The following XKR6 variants were observed in gnomAD, a reference collection of about 807,000 sequenced individuals.
The protein encoded by XKR6 is XK-related protein 6.
In XKR6, 22 loss-of-function variants were observed where a neutral mutation model predicts 56.7. The observed-to-expected ratio is 0.39, with a 90% confidence interval of 0.28 to 0.55. XKR6 has a LOEUF of 0.55. XKR6 is among the 20% of genes least tolerant of loss of function. The pLI is 0.66. For synonymous variants in XKR6, 524 were observed against 387.8 expected (o/e 1.35, Z -4.13); for missense variants, 852 against 889.0 (o/e 0.96, Z 0.53).
intron 1 of XKR6, among the ~76,000 whole-genome samples, chr8:11,189,047 C>T (rs577997338): frequency 6.6e-6 from 1 of 152,318 alleles, no homozygotes; most frequent in South Asian, 2.1e-4. Context: ...ATCTATCAAG[C>T]AAAATGTAGG....
In XKR6 at chr8:11,090,966, T is replaced by C. The variant is rs145612473; in HGVS notation, c.764+109610A>G. Among the ~76,000 whole-genome samples, 367 of 152,312 alleles carry C rather than the reference T, an allele frequency of 2.4e-3. 1 individual carries two copies. The highest frequency in any genetic ancestry group is 8.6e-3 in the African/African-American group (359 of 41,558). On this transcript the variant is annotated intron_variant, in intron 1 of 2. Transcript: ENST00000416569. Reference sequence around the variant, plus strand: ...CCTGTGTGCTACGTTAACCCAGCTGTAATGGAAAAGAGGCACAACTCGAGC... The same window carrying C: ...CCTGTGTGCTACGTTAACCCAGCTGCAATGGAAAAGAGGCACAACTCGAGC...
chr8:11,137,792 A>C, intron 1 of XKR6: 1 of 426,134 alleles, frequency 2.3e-6, no homozygotes, highest in Admixed American at 2.7e-5. Context: ...TTCCCCTTAA[A>C]CCTCAGGCTT....
intron 1 of XKR6, among the ~76,000 whole-genome samples, chr8:10,943,564 G>A (rs1169572301): frequency 6.6e-6 from 1 of 152,056 alleles, no homozygotes; most frequent in Non-Finnish European, 1.5e-5. Context: ...CCCGCCACAT[G>A]CCTGCTCCTT....
At chr8:11,136,107 A>C (rs1206185794) in intron 1 of XKR6, among the ~76,000 whole-genome samples, 1 of 152,112 alleles carries the variant, frequency 6.6e-6, no homozygotes, top group African/African-American at 2.4e-5. Flanking sequence ...AGTGCATCCC[A>C]CCACCGGAAG....
chr8:11,036,230 G>C (rs1293393117), intron 1 of XKR6, among the ~76,000 whole-genome samples: 2 of 152,140 alleles, frequency 1.3e-5, no homozygotes, highest in Admixed American at 6.5e-5. Flanking sequence ...TCACAGGCAT[G>C]AGCCATCACA....
At chr8:11,102,396 A>G (rs545547644) in intron 1 of XKR6, among the ~76,000 whole-genome samples, 1 of 152,310 alleles carries the variant, frequency 6.6e-6, no homozygotes, top group African/African-American at 2.4e-5. Context: ...ATGTGCAAAA[A>G]TAAAGAATTT....
At chr8:11,029,236 A>G (rs942809855) in intron 1 of XKR6, among the ~76,000 whole-genome samples, 1 of 152,020 alleles carries the variant, frequency 6.6e-6, no homozygotes, top group African/African-American at 2.4e-5. Context: ...GCCACACCCA[A>G]CCTGGTCTTG....
rs74673974 is a variant in XKR6, at chr8:11,122,159, A to G, written c.764+78417T>C. Among the ~76,000 whole-genome samples, 225 of 152,264 alleles carry G rather than the reference A, an allele frequency of 1.5e-3. 3 individuals are homozygous for G. In the South Asian group the frequency reaches 0.019, roughly 13 times the overall value. On this transcript the variant is annotated intron_variant, in intron 1 of 2. Transcript: ENST00000416569. The stretch of plus-strand genomic sequence containing the variant: ...TGCCACAGTCTCTTTCAGTGATCTT[A>G]AGTCTCCAAGCCCAGCTCCTTTGAA...
At chr8:11,006,541 A>C (rs1174833331) in intron 1 of XKR6, among the ~76,000 whole-genome samples, 1 of 152,188 alleles carries the variant, frequency 6.6e-6, no homozygotes, top group East Asian at 1.9e-4. Context: ...GAATAGAGTA[A>C]GGCATCTGTA....
intron 1 of XKR6, among the ~76,000 whole-genome samples, chr8:11,178,370 T>C (rs923535076): frequency 6.6e-6 from 1 of 151,796 alleles, no homozygotes; most frequent in Non-Finnish European, 1.5e-5. Context: ...CTCATGAGTC[T>C]TATGTGGCTT....
At chr8:11,084,131 T>C (rs1037459134) in intron 1 of XKR6, among the ~76,000 whole-genome samples, 2 of 152,264 alleles carry the variant, frequency 1.3e-5, no homozygotes, top group African/African-American at 4.8e-5. Context: ...TAAGTTCCAC[T>C]GTGTGATTGC....
chr8:10,971,207 G>A (rs1020201633), intron 1 of XKR6, among the ~76,000 whole-genome samples: 10 of 151,872 alleles, frequency 6.6e-5, no homozygotes, highest in Non-Finnish European at 1.2e-4. Context: ...GGATCACGAG[G>A]TCAGGAGATC....
chr8:10,897,792 A>G lies in XKR6; in HGVS notation c.*160T>C. 1 of 888,236 alleles carries G rather than the reference A, an allele frequency of 1.1e-6. No individual in the cohort carries two copies. Among genetic ancestry groups the G allele is most frequent in the Non-Finnish European group, 1.6e-6 (1 of 616,660 alleles). The allele number at this position is 888,236 out of a possible 1,614,324, so 55.0% of individuals were successfully genotyped here. ...AGCTTATTTGAAGGGGTTGTGACTT[A>G]TTAATTCTTTTTTTTTTGTAGTGGT... is the stretch of plus-strand genomic sequence containing the variant. On this transcript the variant is annotated 3_prime_UTR_variant, in exon 3 of 3. Transcript: ENST00000416569.
chr8:11,039,276 G>A (rs1799224605), intron 1 of XKR6, among the ~76,000 whole-genome samples: 1 of 152,246 alleles, frequency 6.6e-6, no homozygotes, highest in Admixed American at 6.5e-5. Flanking sequence ...GGAGACTGCA[G>A]ATCCAAAAGG....
intron 1 of XKR6, among the ~76,000 whole-genome samples, chr8:10,956,270 G>A (rs191634586): frequency 4.6e-5 from 7 of 152,294 alleles, no homozygotes; most frequent in African/African-American, 9.6e-5. Context: ...CCCTCACTCC[G>A]GTTGTCATCA....
intron 1 of XKR6, among the ~76,000 whole-genome samples, chr8:11,054,831 G>T (rs568237043): frequency 3.3e-5 from 5 of 152,324 alleles, no homozygotes; most frequent in Non-Finnish European, 7.4e-5. Flanking sequence ...CTCCTGGGAG[G>T]AGGAGGGCCA....
In XKR6 at chr8:10,914,765, C is replaced by A. The variant is rs143627030; in HGVS notation, c.961+9869G>T. On this transcript the variant is annotated intron_variant, in intron 2 of 2. Coordinates refer to ENST00000416569, the MANE Select transcript of XKR6 (RefSeq NM_173683.4). Reference sequence around the variant, plus strand: ...AATCTCACAGCTCCCTGGTAAGACCCTGGGGCAGGCCAGGCTGTGGAAGCA... The same window carrying A: ...AATCTCACAGCTCCCTGGTAAGACCATGGGGCAGGCCAGGCTGTGGAAGCA... 3.0e-3 allele frequency among the ~76,000 whole-genome samples: 457 copies of A among 151,174 alleles called. 8 individuals are homozygous for A. The highest frequency in any genetic ancestry group is 0.011 in the African/African-American group (442 of 41,110).
chr8:11,197,091 T>C (rs1276598551), intron 1 of XKR6, among the ~76,000 whole-genome samples: 1 of 152,184 alleles, frequency 6.6e-6, no homozygotes, highest in Admixed American at 6.5e-5. Flanking sequence ...TGCCTTTTCC[T>C]TTTTACTCTC....
At chr8:10,981,829 G>A (rs887927402) in intron 1 of XKR6, among the ~76,000 whole-genome samples, 6 of 152,182 alleles carry the variant, frequency 3.9e-5, no homozygotes, top group Non-Finnish European at 7.3e-5. Flanking sequence ...CCATTTTGTG[G>A]TTAAGTAGAG....
Sources: gnomAD v4.1 joint callset for allele counts (sites outside exome capture counted in the v4.1 genomes callset) on GRCh38, gnomAD v4.1.1 for gene constraint, MANE v1.5 for transcripts, NCBI Gene and HGNC (gene_info 2026-07-23, HGNC 2026-07-21) for gene names.